The following POU6F2 variants were observed in gnomAD, a reference collection of about 807,000 sequenced individuals.
The protein encoded by POU6F2 is POU class 6 homeobox 2, also known as POU domain, class 6, transcription factor 2.
POU6F2 carries 31 observed loss-of-function variants against 71.3 expected under a neutral mutation model. That is an observed-to-expected ratio of 0.43 (90% CI 0.33 to 0.59). POU6F2 has a LOEUF of 0.59. POU6F2 is among the 20% of genes least tolerant of loss of function. POU6F2 has a pLI of 0.04. For synonymous variants in POU6F2, 347 were observed against 355.7 expected (o/e 0.98, Z 0.27); for missense variants, 783 against 856.8 (o/e 0.91, Z 1.07).
chr7:39,042,099 C>T (rs1790204469), intron 1 of POU6F2, among the ~76,000 whole-genome samples: 1 of 151,890 alleles, frequency 6.6e-6, no homozygotes, highest in Non-Finnish European at 1.5e-5. Context: ...AGTTGTTTTC[C>T]ATGCCTACAT....
Position 39,380,776 on chromosome 7 carries a change from C to T in POU6F2, c.973-25824C>T, listed in dbSNP as rs570122548. ...CTAGAAGTCTTCCCTTCTTGGTTCTCTTCACAGTGATATTTAGTAATGACT... is the reference window on the plus strand; with the variant it reads ...CTAGAAGTCTTCCCTTCTTGGTTCTTTTCACAGTGATATTTAGTAATGACT... On this transcript the variant is annotated intron_variant, in intron 5 of 9. Transcript: ENST00000518318. Among the ~76,000 whole-genome samples, 3 of 152,298 alleles carry T rather than the reference C, an allele frequency of 2.0e-5. No homozygotes were observed. The East Asian group carries it at 5.8e-4, about 29-fold the overall frequency.
chr7:39,381,005 A>G (rs1032039705), intron 5 of POU6F2, among the ~76,000 whole-genome samples: 1 of 152,174 alleles, frequency 6.6e-6, no homozygotes, highest in African/African-American at 2.4e-5. Flanking sequence ...AGCCCACAGC[A>G]TGGAGTGACA....
At chr7:39,054,180 A>G (rs6462889) in intron 1 of POU6F2, among the ~76,000 whole-genome samples, 85,252 of 151,604 alleles carry the variant, frequency 0.56, 24,384 homozygotes, top group East Asian at 0.86. Flanking sequence ...TTTTAGTATC[A>G]AAACTACCAC....
At chr7:39,150,052 A>T (rs1298814323) in intron 2 of POU6F2, among the ~76,000 whole-genome samples, 31 of 151,634 alleles carry the variant, frequency 2.0e-4, no homozygotes, top group African/African-American at 2.4e-5. Flanking sequence ...CGCCCAGCTA[A>T]TTTTTTTTAT....
At chr7:39,399,369 C>T (rs1787247683) in intron 5 of POU6F2, among the ~76,000 whole-genome samples, 1 of 152,240 alleles carries the variant, frequency 6.6e-6, no homozygotes, top group Non-Finnish European at 1.5e-5. Context: ...ACCCCCACTT[C>T]AGCTGCCTGT....
chr7:39,072,216 G>A (rs1248912031), intron 1 of POU6F2, among the ~76,000 whole-genome samples: 2 of 152,186 alleles, frequency 1.3e-5, no homozygotes, highest in Non-Finnish European at 2.9e-5. Flanking sequence ...AAGCTCAGTG[G>A]AGTAGCATGA....
intron 2 of POU6F2, among the ~76,000 whole-genome samples, chr7:39,130,937 T>G (rs1030707624): frequency 1.3e-5 from 2 of 152,246 alleles, no homozygotes; most frequent in African/African-American, 4.8e-5. Flanking sequence ...GCCTAGTTGC[T>G]GCGTCTCACG....
chr7:39,108,115 T>C (rs1444312625), intron 2 of POU6F2, among the ~76,000 whole-genome samples: 3 of 152,164 alleles, frequency 2.0e-5, no homozygotes, highest in Admixed American at 1.3e-4. Context: ...TTATTTAACA[T>C]GGGATCCTCA....
intron 1 of POU6F2, among the ~76,000 whole-genome samples, chr7:39,084,299 A>G (rs918978831): frequency 2.6e-5 from 4 of 152,194 alleles, no homozygotes; most frequent in African/African-American, 9.7e-5. Context: ...CCTTTCCACC[A>G]TTCCCTCAGA....
chr7:39,059,742 G>A (rs1790615278), intron 1 of POU6F2, among the ~76,000 whole-genome samples: 2 of 152,138 alleles, frequency 1.3e-5, no homozygotes, highest in Admixed American at 6.5e-5. Context: ...CTTCACAGAA[G>A]CATTATTCAT....
chr7:39,195,103 T>C (rs1245758638), intron 2 of POU6F2, among the ~76,000 whole-genome samples: 2 of 152,236 alleles, frequency 1.3e-5, no homozygotes, highest in Admixed American at 1.3e-4. Flanking sequence ...ATTAAAATTT[T>C]TTTCTTGGAA....
intron 2 of POU6F2, among the ~76,000 whole-genome samples, chr7:39,144,327 A>G (rs1792569722): frequency 6.6e-6 from 1 of 152,214 alleles, no homozygotes; most frequent in Non-Finnish European, 1.5e-5. Flanking sequence ...CTCATATTGC[A>G]TAATTGGTTC....
intron 4 of POU6F2, among the ~76,000 whole-genome samples, chr7:39,233,014 A>G (rs1362883321): frequency 1.3e-5 from 2 of 152,194 alleles, no homozygotes; most frequent in Non-Finnish European, 2.9e-5. Flanking sequence ...TTTAGATCAC[A>G]TTGTAGCATA....
intron 2 of POU6F2, among the ~76,000 whole-genome samples, chr7:39,160,535 T>C (rs1792973437): frequency 6.6e-6 from 1 of 152,320 alleles, no homozygotes; most frequent in Non-Finnish European, 1.5e-5. Flanking sequence ...CTGTGTGTCA[T>C]GAGACACTGC....
intron 2 of POU6F2, among the ~76,000 whole-genome samples, chr7:39,158,030 C>A (rs749064231): frequency 3.3e-5 from 5 of 152,166 alleles, no homozygotes; most frequent in African/African-American, 4.8e-5. Context: ...CTGAAGCAGG[C>A]TGTCTGGATT....
chr7:39,089,491 A>G (rs1204928822), intron 2 of POU6F2, among the ~76,000 whole-genome samples: 2 of 152,180 alleles, frequency 1.3e-5, no homozygotes, highest in Non-Finnish European at 1.5e-5. Flanking sequence ...AGTGATGTAC[A>G]TATTGGAAAC....
At chr7:39,204,736 A>T (rs955952968) in intron 3 of POU6F2, among the ~76,000 whole-genome samples, 2 of 152,186 alleles carry the variant, frequency 1.3e-5, no homozygotes, top group African/African-American at 4.8e-5. Context: ...AGTTAATGCA[A>T]TTTTAATGCA....
Position 39,466,607 on chromosome 7 carries a change from C to T in POU6F2, c.*1921C>T, listed in dbSNP as rs1789077322. 6.6e-6 allele frequency: 1 copy of T among 152,260 alleles called. No homozygotes were observed. The highest frequency in any genetic ancestry group is 2.1e-4 in the South Asian group (1 of 4,828). 9.4% of individuals were successfully genotyped at this position (152,260 alleles called of 1,614,324 possible). A position where few individuals can be genotyped will look rare whatever the true frequency, so the allele number is the denominator to read the frequency against. ...CCATCTCCTTCCCCTAATACACTCC[C>T]TCTCCCTGGGGAGTTTGAGTTTCTT... On this transcript the variant is annotated 3_prime_UTR_variant, in exon 10 of 10. Coordinates refer to ENST00000518318, the MANE Select transcript of POU6F2 (RefSeq NM_001370959.1).
At chr7:39,333,570 C>T (rs1214249417) in intron 4 of POU6F2, among the ~76,000 whole-genome samples, 2 of 152,084 alleles carry the variant, frequency 1.3e-5, no homozygotes, top group Non-Finnish European at 2.9e-5. Context: ...AACCCCATCT[C>T]TACCAAAAAT....
Sources: gnomAD v4.1 joint callset for allele counts (sites outside exome capture counted in the v4.1 genomes callset) on GRCh38, gnomAD v4.1.1 for gene constraint, MANE v1.5 for transcripts, NCBI Gene and HGNC (gene_info 2026-07-23, HGNC 2026-07-21) for gene names.